Variants in SSBP3 observed in about 807,000 individuals in gnomAD.
SSBP3 encodes the protein single-stranded DNA-binding protein 3.
In SSBP3, 5 loss-of-function variants were observed where a neutral mutation model predicts 69.6. The observed-to-expected ratio is 0.07, with a 90% CI of 0.04 to 0.15. SSBP3 has a LOEUF of 0.15. SSBP3 is among the 10% of genes least tolerant of loss of function. The pLI is 1.00. For missense variants in SSBP3, 312 were observed against 534.0 expected, an observed-to-expected ratio of 0.58 and a Z score of 4.10; for synonymous variants, 196 against 193.4, an observed-to-expected ratio of 1.01 and a Z score of -0.11.
chr1:54,386,777 G>A (rs989154135), intron 4 of SSBP3, among the ~76,000 whole-genome samples: 1 of 142,134 alleles, frequency 7.0e-6, no homozygotes, highest in Non-Finnish European at 1.5e-5. Context: ...CTGGGCTCAA[G>A]CAATCCTCCT....
At chr1:54,372,769 T>C (rs2100685582) in intron 4 of SSBP3, among the ~76,000 whole-genome samples, 1 of 152,274 alleles carries the variant, frequency 6.6e-6, no homozygotes, top group Middle Eastern at 3.4e-3. Context: ...TGCTAGTGTA[T>C]ACCTGTACCC....
intron 4 of SSBP3, among the ~76,000 whole-genome samples, chr1:54,333,386 C>T (rs576954056): frequency 6.6e-6 from 1 of 152,172 alleles, no homozygotes; most frequent in Non-Finnish European, 1.5e-5. Flanking sequence ...TGGATCCAAA[C>T]AGGACAGCCA....
chr1:54,330,223 T>TCAATCAACGTGATTAC (rs1364338685), intron 4 of SSBP3, among the ~76,000 whole-genome samples: 28 of 152,026 alleles, frequency 1.8e-4, no homozygotes, highest in African/African-American at 6.8e-4. Flanking sequence ...AACGCAAACA[T>TCAATCAACGTGATTAC]CAATCAACGT....
At chr1:54,361,179 T>C (rs988096238) in intron 4 of SSBP3, among the ~76,000 whole-genome samples, 6 of 152,300 alleles carry the variant, frequency 3.9e-5, no homozygotes, top group African/African-American at 1.4e-4. Context: ...AGGGACCTAC[T>C]TCATTTCCAG....
intron 4 of SSBP3, among the ~76,000 whole-genome samples, chr1:54,372,446 A>G (rs1172041703): frequency 6.6e-6 from 1 of 152,038 alleles, no homozygotes; most frequent in Non-Finnish European, 1.5e-5. Flanking sequence ...AAGCCTTCCC[A>G]GCCCCTAAAG....
intron 4 of SSBP3, among the ~76,000 whole-genome samples, chr1:54,293,032 C>T (rs1645636338): frequency 1.3e-5 from 2 of 152,096 alleles, no homozygotes; most frequent in Admixed American, 1.3e-4. Flanking sequence ...TTCAGGTACC[C>T]ACCAAGAACC....
chr1:54,285,706 A>G (rs546097511), intron 4 of SSBP3, among the ~76,000 whole-genome samples: 1 of 152,294 alleles, frequency 6.6e-6, no homozygotes, highest in East Asian at 1.9e-4. Flanking sequence ...GGCGCTCAGC[A>G]AAGCGTCTCA....
chr1:54,258,863 C>T lies in SSBP3; in HGVS notation c.367-714G>A, dbSNP rs28502724. Among the ~76,000 whole-genome samples the T allele has an allele frequency of 1.3e-5, 2 of 152,162 alleles. No homozygotes were observed. Among genetic ancestry groups the T allele is most frequent in the African/African-American group, 2.4e-5 (1 of 41,452 alleles). On this transcript the variant is annotated intron_variant, in intron 5 of 17. Coordinates refer to ENST00000610401, the Ensembl canonical transcript of SSBP3. This position sits in a 1 kb window ranked among gnomAD's most constrained non-coding sequence, Gnocchi z 4.5. ...TGCACTTCAAAGCAGCCCTGTGAGG[C>T]GGGGTTTCTCATTCCAATTTTTACT...
chr1:54,325,629 G>A (rs577564128), intron 4 of SSBP3, among the ~76,000 whole-genome samples: 2 of 152,168 alleles, frequency 1.3e-5, no homozygotes, highest in South Asian at 4.2e-4. Context: ...ACCTTTGCTG[G>A]GGGATTCAAT....
At chr1:54,391,067 C>T (rs1412011303) in intron 4 of SSBP3, among the ~76,000 whole-genome samples, 1 of 152,340 alleles carries the variant, frequency 6.6e-6, no homozygotes, top group African/African-American at 2.4e-5. Flanking sequence ...CAGACACGGG[C>T]GCCAGCCTCT....
chr1:54,242,541 G>A (rs1644658142), intron 10 of SSBP3, among the ~76,000 whole-genome samples: 1 of 152,210 alleles, frequency 6.6e-6, no homozygotes, highest in African/African-American at 2.4e-5. Context: ...GAGAACAGTG[G>A]CTACACTGTC....
intron 4 of SSBP3, among the ~76,000 whole-genome samples, chr1:54,325,874 A>G (rs1382165900): frequency 6.6e-6 from 1 of 152,126 alleles, no homozygotes; most frequent in Non-Finnish European, 1.5e-5. Context: ...GACTTAACAC[A>G]GTGGCAAAGA....
At chr1:54,360,590 C>G (rs577834326) in intron 4 of SSBP3, among the ~76,000 whole-genome samples, 1 of 152,086 alleles carries the variant, frequency 6.6e-6, no homozygotes, top group Non-Finnish European at 1.5e-5. Context: ...TGGGTCCCCC[C>G]AAGTGTTTCC....
At chr1:54,284,103 CTTTTTTTT>C (rs5774181) in intron 4 of SSBP3, among the ~76,000 whole-genome samples, 3 of 87,572 alleles carry the variant, frequency 3.4e-5, no homozygotes, top group East Asian at 5.6e-4. Flanking sequence ...TATTTAACCA[CTTTTTTTT>C]TTTTTTTTTT....
At position 54,342,479 on chromosome 1, in the gene SSBP3, G is replaced by C. The variant is rs192639289; in HGVS notation, c.276+59382C>G. 4.6e-5 allele frequency among the ~76,000 whole-genome samples: 7 copies of C among 152,284 alleles called. No homozygotes were observed. The East Asian group carries it at 1.4e-3, about 29-fold the overall frequency. ...GGGCCAGGGCAGGTGTGGGCTCTCT[G>C]CAAAGTGGGCCTGAGAGCCAGGCAT... On this transcript the variant is annotated intron_variant, in intron 4 of 17. Transcript: ENST00000610401.
intron 4 of SSBP3, among the ~76,000 whole-genome samples, chr1:54,390,954 G>C (rs1648448145): frequency 6.6e-6 from 1 of 152,242 alleles, no homozygotes; most frequent in Non-Finnish European, 1.5e-5. Context: ...CCTGCCCACT[G>C]GGCCATCTGC....
chr1:54,340,159 G>A (rs1646581396), intron 4 of SSBP3, among the ~76,000 whole-genome samples: 1 of 152,098 alleles, frequency 6.6e-6, no homozygotes, highest in Admixed American at 6.5e-5. Flanking sequence ...CTTTGGTTCA[G>A]TCAATATTTA....
At chr1:54,394,593 G>A (rs1243453828) in intron 4 of SSBP3, among the ~76,000 whole-genome samples, 1 of 151,812 alleles carries the variant, frequency 6.6e-6, no homozygotes, top group African/African-American at 2.4e-5. Context: ...GGTCACCCCA[G>A]GAAGTCAAAA....
At chr1:54,241,357 G>T in intron 12 of SSBP3, 117 bp downstream of exon 12, 2 of 1,172,650 alleles carry the variant, frequency 1.7e-6, no homozygotes, top group Non-Finnish European at 2.6e-6. Context: ...CTAGCAGTTT[G>T]GAACCTCTGC....
Sources: allele counts gnomAD v4.1 joint callset (sites outside exome capture counted in the v4.1 genomes callset), GRCh38; gene constraint gnomAD v4.1.1; non-coding constraint Gnocchi (gnomAD v3.1); transcripts MANE v1.5; gene names NCBI Gene and HGNC (gene_info 2026-07-23, HGNC 2026-07-21).